The following TEKT4 variants were observed in gnomAD, a reference collection of about 807,000 sequenced individuals.
The protein encoded by TEKT4 is tektin-4.
A neutral mutation model predicts 46.0 loss-of-function variants in TEKT4; 46 were observed. The observed-to-expected ratio is 1.00, with a 90% CI of 0.79 to 1.28. The LOEUF is 1.28. Among genes scored for constraint, TEKT4 ranks in the 50% most tolerant of loss-of-function variants. The pLI, the probability that TEKT4 is intolerant of heterozygous loss-of-function variation, is 0.00. For missense variants in TEKT4, 790 were observed against 622.9 expected, an observed-to-expected ratio of 1.27 and a Z score of -2.85; for synonymous variants, 325 against 265.8, an observed-to-expected ratio of 1.22 and a Z score of -2.17.
rs782807708 is a variant in TEKT4 at position 94,874,783 on chromosome 2, AC to A, written c.725del (p.Pro242ArgfsTer47). ...YSTTFQESASTPETRAKFTQD... is the reference protein window; with the variant it reads ...YSTTFQESASXPETRAKFTQD... ...CTGTCCCCCGCCCCGCAGCGCCTCCACCCCGGAGACCCGGGCCAAGTTCACG... is the reference window on the plus strand; with the variant it reads ...CTGTCCCCCGCCCCGCAGCGCCTCCACCCGGAGACCCGGGCCAAGTTCACG... On this transcript the variant is annotated frameshift_variant, in exon 4 of 6. Transcript: ENST00000295201. LOFTEE classifies it high-confidence loss of function. 2 of 1,578,400 alleles carry A rather than the reference AC, an allele frequency of 1.3e-6. No individual in the cohort carries two copies. Among genetic ancestry groups the A allele is most frequent in the South Asian group, 1.1e-5 (1 of 86,982 alleles).
At chr2:94,874,521 G>A (rs564687608) in intron 3 of TEKT4, among the ~76,000 whole-genome samples, 5 of 151,832 alleles carry the variant, frequency 3.3e-5, no homozygotes, top group South Asian at 2.1e-4. Flanking sequence ...TGCTGGGAAC[G>A]GGGTCGCGGG....
In TEKT4 at chr2:94,873,594, G is replaced by T. The variant is rs370291138; in HGVS notation, c.569+4G>T. ...TGCAAGCAGTGAGCCAGATCCGGTG[G>T]GTAGAGGGCTGCCCAAGGGATGATT... is the stretch of plus-strand genomic sequence containing the variant. On this transcript the variant is annotated splice_donor_region_variant and intron_variant, in intron 2 of 5. Transcript: ENST00000295201. 1.2e-6 allele frequency: 2 copies of T among 1,613,460 alleles called. No homozygotes were observed. The highest frequency in any genetic ancestry group is 2.7e-5 in the African/African-American group (2 of 74,908).
chr2:94,872,154 A>G (rs1406925707), intron 1 of TEKT4, 77 bp downstream of exon 1: 54 of 1,457,618 alleles, frequency 3.7e-5, no homozygotes, highest in Admixed American at 6.9e-5. Context: ...CATGTGGACA[A>G]GCCACGTGGC....
chr2:94,873,630 C>G, intron 2 of TEKT4, 40 bp downstream of exon 2: 1 of 1,611,710 alleles, frequency 6.2e-7, no homozygotes, highest in Non-Finnish European at 8.5e-7. Flanking sequence ...CCTGACCCTA[C>G]CCACAGCTGG....
Position 94,874,853 on chromosome 2 carries a change from C to G in TEKT4, c.791C>G (p.Ala264Gly), listed in dbSNP as rs1474440963. ...GCCCAGCGCGAGCGCCTGGCCTCGGCCAACCTGCGGGTGCTGGTGGACTGC... is the reference window on the plus strand; with the variant it reads ...GCCCAGCGCGAGCGCCTGGCCTCGGGCAACCTGCGGGTGCTGGTGGACTGC... ...CRAQRERLAS[A>G]NLRVLVDCIL... The change falls in exon 4 of 6, where the codon GCC becomes GGC. Residue 264 changes from alanine to glycine, a missense_variant. Coordinates refer to ENST00000295201, the MANE Select transcript of TEKT4 (RefSeq NM_144705.4). 5 of 1,608,016 alleles carry G rather than the reference C, an allele frequency of 3.1e-6. No individual in the cohort carries two copies. Among genetic ancestry groups the G allele is most frequent in the Non-Finnish European group, 4.2e-6 (5 of 1,178,130 alleles).
chr2:94,875,648 G>C lies in TEKT4; in HGVS notation c.997G>C (p.Asp333His). The change falls in exon 5 of 6, where the codon GAC becomes CAC. Residue 333 changes from aspartate to histidine, a missense_variant. Asp to His is a moderately conservative substitution (Grantham distance 81). Coordinates refer to ENST00000295201, the MANE Select transcript of TEKT4 (RefSeq NM_144705.4). ...GGCGGCACTGAAGCAGGCCATCAAG[G>C]ACAAAGAGGCACCTCTGCACGTAGC... is the stretch of plus-strand genomic sequence containing the variant. ...NVAALKQAIK[D>H]KEAPLHVAQT... The C allele has an allele frequency of 6.2e-7, 1 of 1,614,176 alleles. No homozygotes were observed. The highest frequency in any genetic ancestry group is 1.7e-5 in the Admixed American group (1 of 60,026).
In TEKT4 at chr2:94,873,715, C is replaced by A. The variant is rs1425294565; in HGVS notation, c.569+125C>A. The stretch of plus-strand genomic sequence containing the variant: ...GGGGCTGCCCCAGGTCACAGTGGAG[C>A]GCAGGACTGGGTGGGGGAGGTTCCG... On this transcript the variant is annotated intron_variant, in intron 2 of 5. Transcript: ENST00000295201. 3.6e-6 allele frequency: 5 copies of A among 1,378,302 alleles called. No individual in the cohort carries two copies. The African/African-American group carries it at 5.7e-5, about 16-fold the overall frequency. 85.4% of individuals were successfully genotyped at this position (1,378,302 alleles called of 1,614,324 possible). A position where few individuals can be genotyped will look rare whatever the true frequency, so the allele number is the denominator to read the frequency against.
In TEKT4 at chr2:94,871,468, C is replaced by A. The variant is rs1349739867; in HGVS notation, c.-112C>A. The A allele has an allele frequency of 2.2e-6, 3 of 1,351,268 alleles. No individual in the cohort carries two copies. Among genetic ancestry groups the A allele is most frequent in the Non-Finnish European group, 2.9e-6 (3 of 1,020,446 alleles). 83.7% of individuals were successfully genotyped at this position (1,351,268 alleles called of 1,614,324 possible). The stretch of plus-strand genomic sequence containing the variant: ...TCACCCAAGCGACTGGGAGCCGCGT[C>A]CTGCTCTGGGACTGAGCCGTTGGAG... On this transcript the variant is annotated 5_prime_UTR_variant, in exon 1 of 6. Coordinates refer to ENST00000295201, the MANE Select transcript of TEKT4 (RefSeq NM_144705.4).
rs1680807611 is a variant in TEKT4 at position 94,875,600 on chromosome 2, A to G, written c.949A>G (p.Ile317Val). ...HHHLHKTLRE[I>V]TDQEHNVAAL... is the part of the protein sequence containing the mutation. ...GTCCTGTCTGCAGACACTGCGGGAA[A>G]TCACAGATCAGGAACACAACGTGGC... is the stretch of plus-strand genomic sequence containing the variant. The change falls in exon 5 of 6, where the codon ATC becomes GTC. Residue 317 changes from isoleucine (I) to valine (V), a missense_variant. Physicochemically the swap from Ile to Val is conservative, Grantham distance 29. Transcript: ENST00000295201. 1.2e-6 allele frequency: 2 copies of G among 1,614,154 alleles called. No individual in the cohort carries two copies. Among genetic ancestry groups the G allele is most frequent in the Non-Finnish European group, 1.7e-6 (2 of 1,180,002 alleles).
intron 3 of TEKT4, 22 bp downstream of exon 3, chr2:94,874,130 G>A (rs201839489): frequency 6.2e-7 from 1 of 1,608,732 alleles, no homozygotes. Flanking sequence ...CTCTGCCCCT[G>A]CACTTGCCCT....
At position 94,872,000 on chromosome 2, in the gene TEKT4, A is replaced by G. The variant is rs782812111; in HGVS notation, c.421A>G (p.Thr141Ala). The change falls in exon 1 of 6, where the codon ACT becomes GCT. Residue 141 changes from threonine to alanine, a missense_variant. By Grantham distance (58) the Thr-to-Ala change is moderately conservative. Transcript: ENST00000295201. Reference protein sequence around the residue: ...DATEVPFSITTDNLQCRERRE... With the variant: ...DATEVPFSITADNLQCRERRE... ...CACAGAGGTGCCCTTCTCCATCACC[A>G]CTGACAACCTGCAGTGCCGTGAGCG... The G allele has an allele frequency of 1.9e-6, 3 of 1,598,378 alleles. No homozygotes were observed. Among genetic ancestry groups the G allele is most frequent in the African/African-American group, 2.7e-5 (2 of 74,584 alleles).
intron 1 of TEKT4, chr2:94,872,488 T>G: frequency 1.2e-5 from 4 of 328,226 alleles, no homozygotes; most frequent in Admixed American, 4.1e-5. Context: ...CCATTCATCC[T>G]ATACAGAGCC....
intron 1 of TEKT4, 60 bp downstream of exon 1, chr2:94,872,137 C>CT (rs1680604938): frequency 1.9e-5 from 28 of 1,468,186 alleles, no homozygotes; most frequent in Non-Finnish European, 2.4e-5. Flanking sequence ...CCCCCCCCCC[C>CT]GCAGTTCATG....
At chr2:94,873,221 ACT>A in intron 1 of TEKT4, 2 of 1,281,588 alleles carry the variant, frequency 1.6e-6, no homozygotes, top group Non-Finnish European at 2.0e-6. Flanking sequence ...TCCCAGGTGC[ACT>A]GAGTGAGCAG....
intron 4 of TEKT4, among the ~76,000 whole-genome samples, chr2:94,875,239 C>T (rs79869582): frequency 6.6e-6 from 1 of 152,128 alleles, no homozygotes; most frequent in Non-Finnish European, 1.5e-5. Flanking sequence ...ACTGACCGCC[C>T]GGGAGGTCCC....
At position 94,871,852 on chromosome 2, in the gene TEKT4, G is replaced by T. The variant is rs1553394606; in HGVS notation, c.273G>T (p.Val91=). The T allele has an allele frequency of 6.2e-7, 1 of 1,604,510 alleles. No homozygotes were observed. Among genetic ancestry groups the T allele is most frequent in the East Asian group, 2.2e-5 (1 of 44,734 alleles). The change falls in exon 1 of 6, where the codon GTG becomes GTT. Residue 91 remains valine, a synonymous_variant. Transcript: ENST00000295201. ...CGCAGCAAGACTCCACGCGCACAGTGGGCGAGCGACTGCAGGACACGCACA... is the reference window on the plus strand; with the variant it reads ...CGCAGCAAGACTCCACGCGCACAGTTGGCGAGCGACTGCAGGACACGCACA... ...QRTQQDSTRT[V]GERLQDTHSW... is the part of the protein sequence containing the mutation.
intron 1 of TEKT4, 46 bp downstream of exon 1, chr2:94,872,123 GGAGC>G: frequency 2.7e-6 from 4 of 1,466,360 alleles, no homozygotes; most frequent in Middle Eastern, 2.3e-4. Flanking sequence ...GCAGAGAGGA[GGAGC>G]CCCCCCCCCC....
At position 94,876,482 on chromosome 2, in the gene TEKT4, T is replaced by TC. The variant is rs1368033006; in HGVS notation, c.1092-67dup. The TC allele has an allele frequency of 1.0e-5, 14 of 1,392,972 alleles. No homozygotes were observed. The African/African-American group carries it at 2.0e-4, about 20-fold the overall frequency. 86.3% of individuals were successfully genotyped at this position (1,392,972 alleles called of 1,614,324 possible). A position where few individuals can be genotyped will look rare whatever the true frequency, so the allele number is the denominator to read the frequency against. On this transcript the variant is annotated intron_variant, in intron 5 of 5. Coordinates refer to ENST00000295201, the MANE Select transcript of TEKT4 (RefSeq NM_144705.4). ...GCCAGCTCCCATTGGGAGTTTTGGGTCCCCTACACCCCGGTAGGTGCATAC... is the reference window on the plus strand; with the variant it reads ...GCCAGCTCCCATTGGGAGTTTTGGGTCCCCCTACACCCCGGTAGGTGCATAC...
Position 94,874,090 on chromosome 2 carries a change from C to T in TEKT4, c.695C>T (p.Ser232Phe). The T allele has an allele frequency of 6.2e-7, 1 of 1,613,530 alleles. No individual in the cohort carries two copies. The highest frequency in any genetic ancestry group is 8.5e-7 in the Non-Finnish European group (1 of 1,179,918). The change falls in exon 3 of 6, where the codon TCC becomes TTC. Residue 232 changes from serine to phenylalanine, a missense_variant. Transcript: ENST00000295201. The part of the protein sequence containing the change: ...QSTEVQAHPY[S>F]TTFQESASTP... ...ACCGAGGTGCAGGCTCATCCGTACT[C>T]CACCACCTTCCAAGAGAGGTGGGCC...
Sources: gnomAD v4.1 joint callset for allele counts (sites outside exome capture counted in the v4.1 genomes callset) on GRCh38, gnomAD v4.1.1 for gene constraint, MANE v1.5 for transcripts, NCBI Gene and HGNC (gene_info 2026-07-23, HGNC 2026-07-21) for gene names.